Variants in RIPOR3 observed in about 807,000 individuals in gnomAD.
RIPOR3 encodes the protein family with sequence similarity 65 member C.
A neutral mutation model predicts 114.3 loss-of-function variants in RIPOR3; 95 were observed. The ratio of observed to expected loss-of-function variants is 0.83; its 90% CI spans 0.70 to 0.99. The LOEUF (loss-of-function observed/expected upper bound fraction) is 0.99, where lower values mean the gene tolerates loss of function less well. Among genes scored for constraint, RIPOR3 ranks in the 50% least tolerant of loss-of-function variants. The pLI is 0.00. For synonymous variants in RIPOR3, 575 were observed against 543.8 expected (o/e 1.06, Z -0.80); for missense variants, 1,252 against 1,266.9 (o/e 0.99, Z 0.18).
chr20:50,634,463 A>C (rs759324320), intron 1 of RIPOR3, among the ~76,000 whole-genome samples: 3 of 151,220 alleles, frequency 2.0e-5, no homozygotes, highest in Non-Finnish European at 2.9e-5. Context: ...GATGCCCCTG[A>C]CCTCCTCTGT....
chr20:50,590,752 CT>C (rs2083082042), intron 19 of RIPOR3, among the ~76,000 whole-genome samples: 1 of 152,084 alleles, frequency 6.6e-6, no homozygotes, highest in Non-Finnish European at 1.5e-5. Flanking sequence ...CAATCTGTCA[CT>C]GGGTTGGCCC....
At chr20:50,632,849 G>A (rs546708332) in intron 1 of RIPOR3, among the ~76,000 whole-genome samples, 106 of 152,348 alleles carry the variant, frequency 7.0e-4, no homozygotes, top group Middle Eastern at 3.4e-3. Flanking sequence ...GATGCCCGAT[G>A]TCAGAGCTTG....
chr20:50,596,205 CTG>C lies in RIPOR3; in HGVS notation c.1847_1848del (p.Thr616SerfsTer28), dbSNP rs1383008917. The C allele has an allele frequency of 1.2e-6, 2 of 1,614,182 alleles. No homozygotes were observed. Among genetic ancestry groups the C allele is most frequent in the Admixed American group, 3.3e-5 (2 of 60,024 alleles). On this transcript the variant is annotated frameshift_variant, in exon 15 of 22. Transcript: ENST00000327979. LOFTEE classifies it high-confidence loss of function. The stretch of plus-strand genomic sequence containing the variant: ...AGCACGTCCAGCTCTGGGGCACCGG[CTG>C]TGAGTTCCCTGGATGACGCTTTCAG... ...SSLKASSREL[T>X]AGAPELDVLL...
intron 20 of RIPOR3, among the ~76,000 whole-genome samples, 188 bp from the exon 21 acceptor site, chr20:50,588,080 G>A (rs147744114): frequency 5.3e-5 from 8 of 152,322 alleles, no homozygotes; most frequent in East Asian, 3.9e-4. Flanking sequence ...CTCTGGAAGC[G>A]TCTCGCCTCT....
chr20:50,628,548 G>T (rs2084707016), intron 2 of RIPOR3, among the ~76,000 whole-genome samples: 1 of 151,912 alleles, frequency 6.6e-6, no homozygotes, highest in East Asian at 1.9e-4. Flanking sequence ...GTCCCTTCCT[G>T]CCTCCACTCC....
At chr20:50,640,488 G>C (rs575408605) in intron 1 of RIPOR3, among the ~76,000 whole-genome samples, 1 of 148,786 alleles carries the variant, frequency 6.7e-6, no homozygotes, top group Non-Finnish European at 1.5e-5. Flanking sequence ...GTGAACACAC[G>C]CACTGGTCAG....
In RIPOR3 at chr20:50,597,571, T is replaced by C; in HGVS notation, c.1790+9A>G. 2 of 1,598,520 alleles carry C rather than the reference T, an allele frequency of 1.3e-6. No individual in the cohort carries two copies. Among genetic ancestry groups the C allele is most frequent in the South Asian group, 1.1e-5 (1 of 88,528 alleles). On this transcript the variant is annotated intron_variant, in intron 14 of 21. Transcript: ENST00000327979. ...CCACTGGGTCACTGCTGGAAGGAGG[T>C]GCACTCACCGGAGACCCTGGGAGCC...
At chr20:50,608,335 C>T in intron 11 of RIPOR3, 54 bp downstream of exon 11, 1 of 1,607,338 alleles carries the variant, frequency 6.2e-7, no homozygotes, top group South Asian at 1.1e-5. Context: ...TGTGGCCAGG[C>T]CACCAGGGGC....
chr20:50,602,430 AAGGGCAGGAAGCCCACATCTG>A lies in RIPOR3; in HGVS notation c.1280_1300del (p.Ser427_Pro433del). On this transcript the variant is annotated inframe_deletion, in exon 13 of 22. Coordinates refer to ENST00000327979, the MANE Select transcript of RIPOR3 (RefSeq NM_001290268.2). The surrounding 1 kb of genome is among the most constrained non-coding windows in gnomAD (Gnocchi z 4.3). The stretch of plus-strand genomic sequence containing the variant: ...AATGGAGGCGTGGGGACCGAAGGTC[AAGGGCAGGAAGCCCACATCTG>A]AGGTGGACGCCGACGTGCTGGTCTC... 1 of 1,595,132 alleles carries A rather than the reference AAGGGCAGGAAGCCCACATCTG, an allele frequency of 6.3e-7. No homozygotes were observed. The highest frequency in any genetic ancestry group is 8.6e-7 in the Non-Finnish European group (1 of 1,169,352).
At chr20:50,635,272 C>G (rs755335962) in intron 1 of RIPOR3, among the ~76,000 whole-genome samples, 5 of 152,218 alleles carry the variant, frequency 3.3e-5, no homozygotes, top group Non-Finnish European at 4.4e-5. Flanking sequence ...CTGCCTGCTA[C>G]CTGCTCTGAG....
intron 17 of RIPOR3, 38 bp downstream of exon 17, chr20:50,594,515 T>C: frequency 6.3e-7 from 1 of 1,596,378 alleles, no homozygotes; most frequent in Non-Finnish European, 8.6e-7. Context: ...AATACAGCCT[T>C]TCTGTGGGAG....
chr20:50,589,486 GA>G (rs1258750247), intron 20 of RIPOR3, among the ~76,000 whole-genome samples, 199 bp downstream of exon 20: 2 of 152,116 alleles, frequency 1.3e-5, no homozygotes, highest in African/African-American at 4.8e-5. Flanking sequence ...AGTAGAGATG[GA>G]GTTTCGCCAT....
At chr20:50,639,008 A>G (rs376167367) in intron 1 of RIPOR3, among the ~76,000 whole-genome samples, 22 of 152,266 alleles carry the variant, frequency 1.4e-4, no homozygotes, top group East Asian at 5.8e-4. Flanking sequence ...TTGGGAGGCC[A>G]AGGTGGGTGG....
chr20:50,651,153 G>A (rs1024940237), intron 1 of RIPOR3, among the ~76,000 whole-genome samples: 1 of 152,132 alleles, frequency 6.6e-6, no homozygotes, highest in Non-Finnish European at 1.5e-5. Flanking sequence ...GCGTGAGAGA[G>A]ATTTTCCATT....
rs1015626125 is a variant in RIPOR3, at chr20:50,604,198, CAAAG to C, written c.1086+443_1086+446del. ...GAAACTCCGTCTCAAAAAAAAAAAA[CAAAG>C]AAAAAAAAAGGCGTATACACTTGCT... On this transcript the variant is annotated intron_variant, in intron 12 of 21. Transcript: ENST00000327979. 2.7e-5 allele frequency among the ~76,000 whole-genome samples: 4 copies of C among 147,660 alleles called. No homozygotes were observed. In the South Asian group the frequency reaches 6.5e-4, roughly 24 times the overall value.
chr20:50,643,706 CTTTTT>C (rs71190582), intron 1 of RIPOR3, among the ~76,000 whole-genome samples: 2 of 134,928 alleles, frequency 1.5e-5, no homozygotes, highest in Non-Finnish European at 1.6e-5. Context: ...TTCTTTCTTT[CTTTTT>C]TTTTTTTTTT....
At chr20:50,588,041 G>C (rs1285619475) in intron 20 of RIPOR3, 149 bp from the exon 21 acceptor site, 1 of 698,524 alleles carries the variant, frequency 1.4e-6, no homozygotes, top group African/African-American at 1.8e-5. Context: ...TTTTTAGGTG[G>C]CCTCAGGTTC....
chr20:50,631,526 C>A (rs148419647), intron 1 of RIPOR3, among the ~76,000 whole-genome samples: 1 of 152,150 alleles, frequency 6.6e-6, no homozygotes, highest in Non-Finnish European at 1.5e-5. Flanking sequence ...TCAGAGAGGC[C>A]GGCAGGGCTC....
At chr20:50,643,466 G>A (rs2085278085) in intron 1 of RIPOR3, among the ~76,000 whole-genome samples, 1 of 150,460 alleles carries the variant, frequency 6.6e-6, no homozygotes, top group African/African-American at 2.4e-5. Context: ...GGCCGAGGTG[G>A]GAAGACCGCT....
Sources: allele counts gnomAD v4.1 joint callset (sites outside exome capture counted in the v4.1 genomes callset), GRCh38; gene constraint gnomAD v4.1.1; non-coding constraint Gnocchi (gnomAD v3.1); transcripts MANE v1.5; gene names NCBI Gene and HGNC (gene_info 2026-07-23, HGNC 2026-07-21).